The following SFI1 variants were observed in gnomAD, a reference collection of about 807,000 sequenced individuals.
The protein encoded by SFI1 is SFI1 centrin binding protein.
SFI1 carries 195 observed loss-of-function variants against 207.5 expected under a neutral mutation model. That is an observed-to-expected ratio of 0.94 (90% CI 0.84 to 1.06). SFI1 has a LOEUF of 1.06. Among genes scored for constraint, SFI1 ranks in the 50% least tolerant of loss-of-function variants. The pLI is 0.00. For missense variants in SFI1, 1,634 were observed against 1,588.0 expected (o/e 1.03, Z -0.49); for synonymous variants, 630 against 598.9 (o/e 1.05, Z -0.76).
At position 31,556,185 on chromosome 22, in the gene SFI1, A is replaced by C. The variant is rs552206051; in HGVS notation, c.545-757A>C. On this transcript the variant is annotated intron_variant, in intron 6 of 32. Coordinates refer to ENST00000400288, the MANE Select transcript of SFI1 (RefSeq NM_001007467.3). ...TTCTTCTTTAGCTTTGTATTATGGA[A>C]AACTTTAAATATCTATACAATTGAA... Among the ~76,000 whole-genome samples the C allele has an allele frequency of 7.2e-5, 11 of 151,832 alleles. No individual in the cohort carries two copies. In the South Asian group the frequency reaches 2.3e-3, roughly 32 times the overall value.
intron 4 of SFI1, among the ~76,000 whole-genome samples, chr22:31,542,917 C>T (rs528206182): frequency 6.6e-6 from 1 of 151,552 alleles, no homozygotes; most frequent in East Asian, 2.0e-4. Flanking sequence ...CCACCTTGGC[C>T]TCCCAAAGTG....
Position 31,618,242 on chromosome 22 carries a change from A to C in SFI1, c.3624+16A>C. On this transcript the variant is annotated intron_variant, in intron 32 of 32. Coordinates refer to ENST00000400288, the MANE Select transcript of SFI1 (RefSeq NM_001007467.3). Reference sequence around the variant, plus strand: ...GCTGGAACAGGTGAGGCCCCAGGCCATCCCCAGGTGTCCCTGGGGACGCCC... The same window carrying C: ...GCTGGAACAGGTGAGGCCCCAGGCCCTCCCCAGGTGTCCCTGGGGACGCCC... The C allele has an allele frequency of 6.3e-7, 1 of 1,596,454 alleles. No homozygotes were observed. Among genetic ancestry groups the C allele is most frequent in the African/African-American group, 1.3e-5 (1 of 74,886 alleles).
intron 15 of SFI1, among the ~76,000 whole-genome samples, chr22:31,594,386 A>T (rs1208830752): frequency 6.6e-6 from 1 of 151,270 alleles, no homozygotes; most frequent in Non-Finnish European, 1.5e-5. Context: ...TCTCTTTACT[A>T]AAGATACAAA....
At chr22:31,559,672 G>T in intron 7 of SFI1, 1 of 758,756 alleles carries the variant, frequency 1.3e-6, no homozygotes. Context: ...AGGATGAGAT[G>T]GAACGTGTGA....
chr22:31,536,968 T>C (rs569003593), intron 4 of SFI1, among the ~76,000 whole-genome samples: 28 of 152,178 alleles, frequency 1.8e-4, no homozygotes, highest in Non-Finnish European at 1.8e-4. Flanking sequence ...CAGGCTGGTC[T>C]TGAACTCCTG....
chr22:31,530,936 T>G, intron 3 of SFI1, 122 bp from the exon 4 acceptor site: 8 of 735,192 alleles, frequency 1.1e-5, no homozygotes, highest in Non-Finnish European at 1.8e-5. Context: ...TGATACCGCC[T>G]TTTGATTCAT....
chr22:31,610,075 AC>A (rs1357495160), intron 22 of SFI1, among the ~76,000 whole-genome samples: 1 of 152,224 alleles, frequency 6.6e-6, no homozygotes, highest in Non-Finnish European at 1.5e-5. Context: ...GACAGTGTAC[AC>A]GTAGTAGGTA....
chr22:31,532,808 A>G (rs1359856582), intron 4 of SFI1, among the ~76,000 whole-genome samples: 1 of 152,054 alleles, frequency 6.6e-6, no homozygotes, highest in East Asian at 1.9e-4. Flanking sequence ...AAGAGAAAAA[A>G]CTTACTTGCA....
At chr22:31,566,255 A>G (rs932580987) in intron 8 of SFI1, among the ~76,000 whole-genome samples, 3 of 151,688 alleles carry the variant, frequency 2.0e-5, no homozygotes, top group African/African-American at 7.3e-5. Flanking sequence ...CACCACATCC[A>G]GCTAATTATT....
chr22:31,531,618 G>T (rs1159544842), intron 4 of SFI1, among the ~76,000 whole-genome samples: 1 of 152,044 alleles, frequency 6.6e-6, no homozygotes, highest in African/African-American at 2.4e-5. Context: ...GAGCAGCCAG[G>T]CATGGTGGCT....
chr22:31,562,230 A>T (rs898430435), intron 8 of SFI1, among the ~76,000 whole-genome samples: 1 of 152,304 alleles, frequency 6.6e-6, no homozygotes. Context: ...AGAGCAGTGT[A>T]GGGTAGTTGT....
chr22:31,613,700 C>T lies in SFI1; in HGVS notation c.2841C>T (p.Ile947=), dbSNP rs761460177. ...RGGKPQPLAA[I]APSRKVTFEG... ...GGAAGCCTCAGCCCCTGGCAGCCAT[C>T]GCACCCAGCAGGAAAGTGACGTTTG... Residue 947 remains isoleucine (I), a synonymous_variant, in exon 27 of 33, where the codon ATC becomes ATT. Coordinates refer to ENST00000400288, the MANE Select transcript of SFI1 (RefSeq NM_001007467.3). The T allele has an allele frequency of 5.3e-5, 85 of 1,612,134 alleles. No homozygotes were observed. The Admixed American group carries it at 1.1e-3, about 22-fold the overall frequency.
chr22:31,556,553 A>G (rs1378418881), intron 6 of SFI1, among the ~76,000 whole-genome samples: 1 of 152,100 alleles, frequency 6.6e-6, no homozygotes, highest in Non-Finnish European at 1.5e-5. Flanking sequence ...ATGAACCTCC[A>G]TGTATCCATT....
chr22:31,564,615 C>T (rs555929408), intron 8 of SFI1, among the ~76,000 whole-genome samples: 115 of 151,952 alleles, frequency 7.6e-4, no homozygotes, highest in East Asian at 3.9e-3. Context: ...AGTGATCCTC[C>T]CACCTCAGCC....
rs1186634571 is a variant in SFI1, at chr22:31,611,241, C to T, written c.2353C>T (p.Gln785Ter). 9 of 1,613,456 alleles carry T rather than the reference C, an allele frequency of 5.6e-6. No individual in the cohort carries two copies. In the African/African-American group the frequency reaches 6.7e-5, roughly 12 times the overall value. Residue 785 changes from glutamine to a stop codon, truncating the protein, a stop_gained, in exon 23 of 33, where the codon CAG becomes TAG. Transcript: ENST00000400288. LOFTEE classifies it high-confidence loss of function. ...LERAVQHHHR[Q>*]LLLEGLARWK... ...GAGGGCAGTGCAACACCACCACCGG[C>T]AGCTGCTGCTGGAGGGGCTGGCCCG... is the stretch of plus-strand genomic sequence containing the variant.
chr22:31,574,878 G>A (rs2063310804), intron 9 of SFI1, among the ~76,000 whole-genome samples: 1 of 152,058 alleles, frequency 6.6e-6, no homozygotes, highest in African/African-American at 2.4e-5. Context: ...CTAACATGGT[G>A]AAACCCCATC....
intron 12 of SFI1, among the ~76,000 whole-genome samples, chr22:31,582,689 C>G (rs5994404): frequency 6.6e-6 from 1 of 152,016 alleles, no homozygotes; most frequent in Non-Finnish European, 1.5e-5. Context: ...ACTTTTTCAT[C>G]TTGCAAAATT....
intron 2 of SFI1, among the ~76,000 whole-genome samples, chr22:31,516,093 T>C (rs762411125): frequency 6.9e-6 from 1 of 145,592 alleles, no homozygotes; most frequent in Admixed American, 7.0e-5. Flanking sequence ...ATGAGTTGTA[T>C]ATTGAGTATT....
intron 15 of SFI1, among the ~76,000 whole-genome samples, chr22:31,590,971 A>ATTTAT (rs1036065014): frequency 3.1e-5 from 1 of 32,428 alleles, no homozygotes; most frequent in Non-Finnish European, 7.9e-5. Context: ...TTATTTATTT[A>ATTTAT]TTTATTTATT....
Sources: allele counts gnomAD v4.1 joint callset (sites outside exome capture counted in the v4.1 genomes callset), GRCh38; gene constraint gnomAD v4.1.1; transcripts MANE v1.5; gene names NCBI Gene and HGNC (gene_info 2026-07-23, HGNC 2026-07-21).